Variants in CAMSAP1 observed in about 807,000 individuals in gnomAD.
CAMSAP1 encodes calmodulin regulated spectrin associated protein 1.
CAMSAP1 carries 58 observed loss-of-function variants against 143.5 expected under a neutral mutation model. The observed-to-expected ratio is 0.40, with a 90% confidence interval of 0.33 to 0.50. CAMSAP1 has a LOEUF of 0.50. CAMSAP1 is among the 20% of genes least tolerant of loss of function. The pLI, the probability that CAMSAP1 is intolerant of heterozygous loss-of-function variation, is 0.45. For synonymous variants in CAMSAP1, 945 were observed against 859.3 expected (o/e 1.10, Z -1.74); for missense variants, 1,969 against 2,115.7 (o/e 0.93, Z 1.36).
Position 135,821,014 on chromosome 9 carries a change from G to A in CAMSAP1, c.3647C>T (p.Ser1216Leu), listed in dbSNP as rs149524209. The change falls in exon 11 of 17, where the codon TCG becomes TTG. Residue 1216 changes from serine to leucine, a missense_variant. Coordinates refer to ENST00000389532, the MANE Select transcript of CAMSAP1 (RefSeq NM_015447.4). This position sits in a 1 kb window ranked among gnomAD's most constrained non-coding sequence, Gnocchi z 4.6. ...CTCCACGGGGACGCTCTCTTTTCCC[G>A]AGACATCTGAGGAGCTGGACCCCAC... Reference protein sequence around the residue: ...KEVGSSSSDVSGKESVPVEEP... With the variant: ...KEVGSSSSDVLGKESVPVEEP... 3.8e-4 allele frequency: 606 copies of A among 1,612,950 alleles called. 3 individuals are homozygous for A. Among genetic ancestry groups the A allele is most frequent in the East Asian group, 1.9e-3 (86 of 44,840 alleles).
chr9:135,879,540 T>TA (rs1407363549), intron 3 of CAMSAP1, among the ~76,000 whole-genome samples: 5 of 152,058 alleles, frequency 3.3e-5, no homozygotes, highest in African/African-American at 1.2e-4. Context: ...AAAAAGACAC[T>TA]ATTTTTCACC....
At chr9:135,828,616 C>T (rs1835756135) in intron 7 of CAMSAP1, among the ~76,000 whole-genome samples, 1 of 152,194 alleles carries the variant, frequency 6.6e-6, no homozygotes, top group Non-Finnish European at 1.5e-5. Context: ...GCCTGGAGAA[C>T]CTCAAATTCT....
chr9:135,863,902 C>T (rs1837282984), intron 4 of CAMSAP1, among the ~76,000 whole-genome samples: 1 of 152,118 alleles, frequency 6.6e-6, no homozygotes, highest in Non-Finnish European at 1.5e-5. Flanking sequence ...CGGGAAAGCA[C>T]ATGGTTTCTT....
At chr9:135,893,834 T>C (rs550265635) in intron 1 of CAMSAP1, among the ~76,000 whole-genome samples, 29 of 152,274 alleles carry the variant, frequency 1.9e-4, no homozygotes, top group Admixed American at 3.9e-4. Flanking sequence ...CAGGACAAAA[T>C]GGCACACACT....
At chr9:135,815,623 C>T (rs998434623) in intron 15 of CAMSAP1, among the ~76,000 whole-genome samples, 2 of 152,246 alleles carry the variant, frequency 1.3e-5, no homozygotes, top group Non-Finnish European at 2.9e-5. Context: ...CCACCACTCC[C>T]GGGCTCTGCT....
At chr9:135,836,161 T>C in intron 7 of CAMSAP1, 2 of 985,372 alleles carry the variant, frequency 2.0e-6, no homozygotes, top group South Asian at 4.7e-5. Context: ...CCCATGTGCA[T>C]CTACAGACGC....
chr9:135,816,191 A>C (rs1209767155), intron 14 of CAMSAP1, among the ~76,000 whole-genome samples, 186 bp from the exon 15 acceptor site: 1 of 152,204 alleles, frequency 6.6e-6, no homozygotes, highest in Non-Finnish European at 1.5e-5. Flanking sequence ...AAAATACAAA[A>C]GCAAACACTT....
At chr9:135,867,511 A>C (rs187320560) in intron 3 of CAMSAP1, among the ~76,000 whole-genome samples, 5 of 150,322 alleles carry the variant, frequency 3.3e-5, no homozygotes, top group East Asian at 1.9e-4. Flanking sequence ...CTGTAAAGCT[A>C]ATCAAGAAAA....
rs144530361 is a variant in CAMSAP1, at chr9:135,812,024, G to T, written c.4507-413C>A. 7.8e-4 allele frequency among the ~76,000 whole-genome samples: 119 copies of T among 152,298 alleles called. No homozygotes were observed. In the South Asian group the frequency reaches 0.012, roughly 16 times the overall value. ...CAGAAGGATACAGAGCACAGCAGCT[G>T]CTGTGAAAAACAACTTGGCTCTTCT... On this transcript the variant is annotated intron_variant, in intron 16 of 16. Transcript: ENST00000389532.
At chr9:135,870,293 T>C (rs1837527015) in intron 3 of CAMSAP1, among the ~76,000 whole-genome samples, 1 of 152,154 alleles carries the variant, frequency 6.6e-6, no homozygotes, top group Non-Finnish European at 1.5e-5. Context: ...AAGGCAGTTT[T>C]CCCCACTCTT....
rs745534890 is a variant in CAMSAP1 at position 135,818,653 on chromosome 9, G to C, written c.3960-37C>G. The C allele has an allele frequency of 4.4e-6, 7 of 1,600,540 alleles. No homozygotes were observed. The highest frequency in any genetic ancestry group is 4.5e-5 in the East Asian group (2 of 44,540). ...ACACGCCCAGACACTGCTCGGTCACGGGGCTTCTTCCACGACGCCTGCGCC... is the reference window on the plus strand; with the variant it reads ...ACACGCCCAGACACTGCTCGGTCACCGGGCTTCTTCCACGACGCCTGCGCC... On this transcript the variant is annotated intron_variant, in intron 12 of 16. Transcript: ENST00000389532. The surrounding 1 kb of genome is among the most constrained non-coding windows in gnomAD (Gnocchi z 7.7).
intron 7 of CAMSAP1, among the ~76,000 whole-genome samples, chr9:135,829,611 T>C (rs551438041): frequency 2.8e-4 from 43 of 152,314 alleles, no homozygotes; most frequent in Middle Eastern, 3.4e-3. Flanking sequence ...CCCAGTACTT[T>C]TCGAGGCCGA....
At position 135,827,575 on chromosome 9, in the gene CAMSAP1, ACT is replaced by A; in HGVS notation, c.1053_1054del (p.Leu353ThrfsTer30). ...AGGCCGGCTGCTCTTCTGGTGTAAC[ACT>A]GTTTTCGCTGCAGAAATAGCGTTTT... On this transcript the variant is annotated frameshift_variant, in exon 8 of 17. Coordinates refer to ENST00000389532, the MANE Select transcript of CAMSAP1 (RefSeq NM_015447.4). LOFTEE classifies it high-confidence loss of function. The A allele has an allele frequency of 6.3e-7, 1 of 1,575,272 alleles. No homozygotes were observed. The highest frequency in any genetic ancestry group is 8.7e-7 in the Non-Finnish European group (1 of 1,154,026).
At chr9:135,901,008 C>T (rs1460750252) in intron 1 of CAMSAP1, among the ~76,000 whole-genome samples, 6 of 152,286 alleles carry the variant, frequency 3.9e-5, no homozygotes, top group Non-Finnish European at 7.3e-5. Flanking sequence ...CCCACCTCAA[C>T]GTCCCAAAGT....
At chr9:135,874,524 C>CTA (rs1182754018) in intron 3 of CAMSAP1, among the ~76,000 whole-genome samples, 1 of 146,916 alleles carries the variant, frequency 6.8e-6, no homozygotes, top group African/African-American at 2.5e-5. Flanking sequence ...TAAAGGGCAT[C>CTA]TATGAAAAAA....
chr9:135,861,330 C>G (rs998206654), intron 5 of CAMSAP1, among the ~76,000 whole-genome samples: 13 of 150,358 alleles, frequency 8.6e-5, no homozygotes, highest in African/African-American at 3.2e-4. Flanking sequence ...TTTTTCCCCC[C>G]GAGACAGAGT....
intron 1 of CAMSAP1, among the ~76,000 whole-genome samples, chr9:135,897,051 A>G (rs1215243099): frequency 2.0e-5 from 3 of 152,158 alleles, no homozygotes; most frequent in African/African-American, 7.2e-5. Flanking sequence ...AAATTACTCA[A>G]AAGTACAGCA....
intron 1 of CAMSAP1, among the ~76,000 whole-genome samples, chr9:135,906,439 G>C (rs567747153): frequency 6.6e-6 from 1 of 152,212 alleles, no homozygotes; most frequent in Non-Finnish European, 1.5e-5. Context: ...TAACAAACTG[G>C]ACTGAGTAAC....
chr9:135,880,742 A>G (rs543762942), intron 3 of CAMSAP1, among the ~76,000 whole-genome samples: 1 of 152,292 alleles, frequency 6.6e-6, no homozygotes, highest in African/African-American at 2.4e-5. Flanking sequence ...ACAGCCTCAC[A>G]TGGGGCCACA....
Sources: gnomAD v4.1 joint callset for allele counts (sites outside exome capture counted in the v4.1 genomes callset) on GRCh38, gnomAD v4.1.1 for gene constraint, Gnocchi (gnomAD v3.1) non-coding constraint, MANE v1.5 for transcripts, NCBI Gene and HGNC (gene_info 2026-07-23, HGNC 2026-07-21) for gene names.